ZNF76: variants seen among roughly 807,000 people sequenced by gnomAD.
ZNF76 encodes the protein zinc finger protein 523.
Under a neutral mutation model 66.9 loss-of-function variants are expected in ZNF76, and 66 were observed. That is an observed-to-expected ratio of 0.99 (90% CI 0.81 to 1.21). The LOEUF (loss-of-function observed/expected upper bound fraction) is 1.21. ZNF76 is among the 50% of genes most tolerant of loss of function. The pLI is 0.00. For missense variants in ZNF76, 729 were observed against 760.3 expected, an observed-to-expected ratio of 0.96 and a Z score of 0.48; for synonymous variants, 275 against 296.1, an observed-to-expected ratio of 0.93 and a Z score of 0.73.
At chr6:35,294,010 A>G (rs1790823582) in intron 12 of ZNF76, 95 bp downstream of exon 12, 1 of 1,426,556 alleles carries the variant, frequency 7.0e-7, no homozygotes, top group Admixed American at 2.2e-5. Flanking sequence ...AAGTCTTCTT[A>G]CCAGGACAAA....
At chr6:35,261,426 G>A (rs976888537) in intron 1 of ZNF76, among the ~76,000 whole-genome samples, 1 of 152,110 alleles carries the variant, frequency 6.6e-6, no homozygotes, top group African/African-American at 2.4e-5. Context: ...TGTGTGCCAA[G>A]CTCTGGATAT....
chr6:35,282,730 C>CT (rs1181449760), intron 2 of ZNF76, among the ~76,000 whole-genome samples: 1 of 152,218 alleles, frequency 6.6e-6, no homozygotes, highest in East Asian at 1.9e-4. Context: ...ATTTCTGCTC[C>CT]TAAGTTTACA....
Position 35,292,174 on chromosome 6 carries a change from C to G in ZNF76, c.932-380C>G. On this transcript the variant is annotated intron_variant, in intron 9 of 13. Coordinates refer to ENST00000373953, the MANE Select transcript of ZNF76 (RefSeq NM_003427.5). The surrounding 1 kb of genome is among the most constrained non-coding windows in gnomAD (Gnocchi z 4.7). ...TCATCCAGCTTTCTGTGTTGTGTCT[C>G]AGCATGTGTGTCCCCTCTTTCCCAT... is the stretch of plus-strand genomic sequence containing the variant. 1 of 410,536 alleles carries G rather than the reference C, an allele frequency of 2.4e-6. No homozygotes were observed. The highest frequency in any genetic ancestry group is 2.4e-5 in the South Asian group (1 of 41,166). 25.4% of individuals were successfully genotyped at this position (410,536 alleles called of 1,614,324 possible).
chr6:35,282,594 A>G (rs1284929698), intron 2 of ZNF76, among the ~76,000 whole-genome samples: 1 of 152,138 alleles, frequency 6.6e-6, no homozygotes, highest in Non-Finnish European at 1.5e-5. Context: ...CACCTTGAAC[A>G]AGGCAAATAC....
At chr6:35,286,050 C>A in intron 2 of ZNF76, 78 bp from the exon 3 acceptor site, 1 of 1,347,274 alleles carries the variant, frequency 7.4e-7, no homozygotes, top group Non-Finnish European at 1.1e-6. Context: ...CTCAAATAAG[C>A]CTCAGCTAAA....
At position 35,287,648 on chromosome 6, in the gene ZNF76, G is replaced by C. The variant is rs770297922; in HGVS notation, c.235G>C (p.Gly79Arg). Residue 79 changes from glycine (G) to arginine (R), a missense_variant and splice_region_variant, in exon 5 of 14, where the codon GGC becomes CGC. Gly to Arg is a moderately radical substitution (Grantham distance 125, BLOSUM62 -2). Coordinates refer to ENST00000373953, the MANE Select transcript of ZNF76 (RefSeq NM_003427.5). The surrounding 1 kb of genome is among the most constrained non-coding windows in gnomAD (Gnocchi z 4.0). ...MAYIHRTPRE[G>R]YDPSTLEAVQ... is the part of the protein sequence containing the mutation. ...GGCTAACCGCGTGTTCCCTGCAGAA[G>C]GCTATGACCCCAGCACCCTGGAAGC... 3 of 1,608,508 alleles carry C rather than the reference G, an allele frequency of 1.9e-6. No individual in the cohort carries two copies. The highest frequency in any genetic ancestry group is 2.5e-6 in the Non-Finnish European group (3 of 1,176,574).
At chr6:35,282,192 A>C (rs550600048) in intron 2 of ZNF76, among the ~76,000 whole-genome samples, 2 of 152,088 alleles carry the variant, frequency 1.3e-5, no homozygotes, top group Non-Finnish European at 2.9e-5. Flanking sequence ...TGTGGGATTA[A>C]GCTGGGCTTG....
Position 35,292,950 on chromosome 6 carries a change from AAGAG to A in ZNF76, c.1241_1244del (p.Arg414MetfsTer10). The A allele has an allele frequency of 6.2e-7, 1 of 1,614,188 alleles. No homozygotes were observed. The highest frequency in any genetic ancestry group is 8.5e-7 in the Non-Finnish European group (1 of 1,180,038). ...ATAGCTTACCTTTCGGAGGTGAAGG[AAGAG>A]AGAGATGACATCCCAGCCCAGGTGG... On this transcript the variant is annotated frameshift_variant, in exon 11 of 14. Coordinates refer to ENST00000373953, the MANE Select transcript of ZNF76 (RefSeq NM_003427.5). LOFTEE classifies it high-confidence loss of function. This position sits in a 1 kb window ranked among gnomAD's most constrained non-coding sequence, Gnocchi z 4.7.
At chr6:35,294,746 G>T in intron 13 of ZNF76, 177 bp downstream of exon 13, 1 of 662,444 alleles carries the variant, frequency 1.5e-6, no homozygotes, top group East Asian at 2.8e-5. Context: ...GCTCTTGGCT[G>T]AGGCAGAATG....
chr6:35,264,204 C>T (rs944559157), intron 1 of ZNF76, among the ~76,000 whole-genome samples: 3 of 152,236 alleles, frequency 2.0e-5, no homozygotes, highest in Non-Finnish European at 2.9e-5. Flanking sequence ...GGACACAACA[C>T]CCCTCCCCAA....
chr6:35,278,833 G>A (rs1788316902), intron 1 of ZNF76, among the ~76,000 whole-genome samples: 1 of 152,212 alleles, frequency 6.6e-6, no homozygotes. Context: ...TTGCACATGA[G>A]GGACCCAGGG....
At chr6:35,294,101 G>T in intron 12 of ZNF76, 186 bp downstream of exon 12, 1 of 671,128 alleles carries the variant, frequency 1.5e-6, no homozygotes, top group Non-Finnish European at 2.5e-6. Flanking sequence ...TTGAATGGAG[G>T]TCAAGAGACA....
intron 5 of ZNF76, among the ~76,000 whole-genome samples, chr6:35,289,707 AGCACTCC>A (rs1481973884): frequency 2.0e-5 from 3 of 152,158 alleles, no homozygotes; most frequent in African/African-American, 7.2e-5. Context: ...TGGAAACTGC[AGCACTCC>A]CCTGGGTGCT....
chr6:35,270,143 TA>T (rs1385340697), intron 1 of ZNF76, among the ~76,000 whole-genome samples: 3 of 152,228 alleles, frequency 2.0e-5, no homozygotes, highest in African/African-American at 7.2e-5. Flanking sequence ...TTTTTATTTT[TA>T]TTTTTTTATT....
Position 35,260,960 on chromosome 6 carries a change from G to A in ZNF76, c.-97+1119G>A, listed in dbSNP as rs373585817. Among the ~76,000 whole-genome samples, 7 of 152,028 alleles carry A rather than the reference G, an allele frequency of 4.6e-5. No individual in the cohort carries two copies. The East Asian group carries it at 1.3e-3, about 29-fold the overall frequency. ...TTCATAGTGCATACCCATTTCCCTT[G>A]ATCAGGCCCCATCAGTTAACATGTT... On this transcript the variant is annotated intron_variant, in intron 1 of 13. Coordinates refer to ENST00000373953, the MANE Select transcript of ZNF76 (RefSeq NM_003427.5).
intron 1 of ZNF76, among the ~76,000 whole-genome samples, chr6:35,273,173 C>G (rs1335657145): frequency 1.4e-5 from 2 of 146,236 alleles, no homozygotes; most frequent in African/African-American, 5.0e-5. Context: ...AAACAAAAAA[C>G]AAAAAACAAA....
intron 1 of ZNF76, among the ~76,000 whole-genome samples, chr6:35,278,871 C>T (rs150810151): frequency 6.6e-6 from 1 of 152,298 alleles, no homozygotes; most frequent in Non-Finnish European, 1.5e-5. Context: ...GTGGAGAGCC[C>T]ACAGTGTGAG....
chr6:35,271,465 T>TA (rs1211551740), intron 1 of ZNF76, among the ~76,000 whole-genome samples: 2 of 152,176 alleles, frequency 1.3e-5, no homozygotes, highest in African/African-American at 4.8e-5. Flanking sequence ...GGTCAGGAGT[T>TA]AGAGATCAGC....
chr6:35,284,480 C>T (rs1789254159), intron 2 of ZNF76, among the ~76,000 whole-genome samples: 1 of 151,712 alleles, frequency 6.6e-6, no homozygotes, highest in Non-Finnish European at 1.5e-5. Flanking sequence ...CTCACTGCAA[C>T]CTCCGCCTCC....
Sources: gnomAD v4.1 joint callset for allele counts (sites outside exome capture counted in the v4.1 genomes callset) on GRCh38, gnomAD v4.1.1 for gene constraint, Gnocchi (gnomAD v3.1) non-coding constraint, MANE v1.5 for transcripts, NCBI Gene and HGNC (gene_info 2026-07-23, HGNC 2026-07-21) for gene names.